The following VAT1L variants were observed in gnomAD, a reference collection of about 807,000 sequenced individuals.
The protein encoded by VAT1L is putative NADPH-dependent quinone oxidoreductase VAT1L.
VAT1L carries 34 observed loss-of-function variants against 44.1 expected under a neutral mutation model. The observed-to-expected ratio is 0.77, with a 90% confidence interval of 0.59 to 1.03. The LOEUF is 1.03. VAT1L is among the 50% of genes least tolerant of loss of function. The pLI, the probability that VAT1L is intolerant of heterozygous loss-of-function variation, is 0.00. For missense variants in VAT1L, 615 were observed against 538.8 expected (o/e 1.14, Z -1.40); for synonymous variants, 253 against 202.2 (o/e 1.25, Z -2.13).
At chr16:77,956,464 G>C (rs867596855) in intron 7 of VAT1L, among the ~76,000 whole-genome samples, 2 of 152,168 alleles carry the variant, frequency 1.3e-5, no homozygotes, top group African/African-American at 2.4e-5. Flanking sequence ...ACAGCACCTG[G>C]TAAGCACTTG....
rs117054552 is a variant in VAT1L, at chr16:77,918,134, G to C, written c.1077+33332G>C. On this transcript the variant is annotated intron_variant, in intron 7 of 8. Coordinates refer to ENST00000302536, the MANE Select transcript of VAT1L (RefSeq NM_020927.3). ...TCGGGATGCAAATTAAAGGCATTAA[G>C]GAACTTGCTAATTGGCTCAAGAAAC... 4.4e-4 allele frequency among the ~76,000 whole-genome samples: 67 copies of C among 152,272 alleles called. No homozygotes were observed. The East Asian group carries it at 0.012, about 27-fold the overall frequency.
chr16:77,910,673 C>CAAAAAAA (rs3038773), intron 7 of VAT1L, among the ~76,000 whole-genome samples: 2 of 82,966 alleles, frequency 2.4e-5, no homozygotes, highest in Non-Finnish European at 4.7e-5. Context: ...GACTCCTTCT[C>CAAAAAAA]AAAAAAAAAA....
rs556238596 is a variant in VAT1L, at chr16:77,908,188, G to A, written c.1077+23386G>A. Among the ~76,000 whole-genome samples, 10 of 151,156 alleles carry A rather than the reference G, an allele frequency of 6.6e-5. No homozygotes were observed. In the East Asian group the frequency reaches 9.8e-4, roughly 15 times the overall value. Reference sequence around the variant, plus strand: ...CGGGAGGTGGAGCTTGCAGTGAGCCGAGATGGCACCACTGCACTCCAGCCT... The same window carrying A: ...CGGGAGGTGGAGCTTGCAGTGAGCCAAGATGGCACCACTGCACTCCAGCCT... On this transcript the variant is annotated intron_variant, in intron 7 of 8. Coordinates refer to ENST00000302536, the MANE Select transcript of VAT1L (RefSeq NM_020927.3).
chr16:77,979,317 G>C lies in VAT1L; in HGVS notation c.*1622G>C, dbSNP rs1456880419. On this transcript the variant is annotated 3_prime_UTR_variant, in exon 9 of 9. Transcript: ENST00000302536. ...TCATCTGAGGAACCAAGGGGTGAGAGTATCCCAAAGGAGGACACCAGCATC... is the reference window on the plus strand; with the variant it reads ...TCATCTGAGGAACCAAGGGGTGAGACTATCCCAAAGGAGGACACCAGCATC... The C allele has an allele frequency of 6.6e-6, 1 of 152,286 alleles. No homozygotes were observed. Among genetic ancestry groups the C allele is most frequent in the African/African-American group, 2.4e-5 (1 of 41,420 alleles). The allele number at this position is 152,286 out of a possible 1,614,324, so 9.4% of individuals were successfully genotyped here.
intron 1 of VAT1L, among the ~76,000 whole-genome samples, chr16:77,799,174 C>T (rs2015994606): frequency 6.6e-6 from 1 of 151,848 alleles, no homozygotes; most frequent in Admixed American, 6.6e-5. Context: ...CATACCAGCC[C>T]CTGGAGATCT....
chr16:77,910,869 A>G (rs1191257997), intron 7 of VAT1L, among the ~76,000 whole-genome samples: 1 of 152,166 alleles, frequency 6.6e-6, no homozygotes, highest in Non-Finnish European at 1.5e-5. Context: ...CAGGCATTCT[A>G]AGAGCATTAC....
chr16:77,817,085 A>G lies in VAT1L; in HGVS notation c.363+35A>G, dbSNP rs772229920. The G allele has an allele frequency of 5.0e-6, 8 of 1,596,530 alleles. No individual in the cohort carries two copies. In the East Asian group the frequency reaches 1.3e-4, roughly 27 times the overall value. ...GGCTCTCAATTGAAGAGTAATATTC[A>G]TTTGGAATCCATTGAGACAACAAAA... is the stretch of plus-strand genomic sequence containing the variant. On this transcript the variant is annotated intron_variant, in intron 2 of 8. Coordinates refer to ENST00000302536, the MANE Select transcript of VAT1L (RefSeq NM_020927.3).
chr16:77,818,981 T>G (rs540023769), intron 2 of VAT1L, among the ~76,000 whole-genome samples: 2 of 151,348 alleles, frequency 1.3e-5, no homozygotes, highest in East Asian at 3.9e-4. Flanking sequence ...ATAACTTGGG[T>G]GCATTTTGGC....
intron 6 of VAT1L, among the ~76,000 whole-genome samples, chr16:77,880,613 T>TTTTTTA (rs1555516560): frequency 7.0e-6 from 1 of 143,306 alleles, no homozygotes; most frequent in African/African-American, 2.6e-5. Flanking sequence ...TTTTTTTTTT[T>TTTTTTA]AGTAATTTCA....
At chr16:77,823,596 C>T (rs1345896246) in intron 2 of VAT1L, among the ~76,000 whole-genome samples, 2 of 152,120 alleles carry the variant, frequency 1.3e-5, no homozygotes, top group Non-Finnish European at 2.9e-5. Context: ...TCAGTTTCTT[C>T]AAAATTATAA....
chr16:77,971,272 C>G (rs557477420), intron 7 of VAT1L, among the ~76,000 whole-genome samples: 1 of 152,250 alleles, frequency 6.6e-6, no homozygotes, highest in African/African-American at 2.4e-5. Flanking sequence ...CTGGCAAGCC[C>G]CCAACATTTG....
chr16:77,810,198 G>A (rs548926583), intron 1 of VAT1L, among the ~76,000 whole-genome samples: 2 of 152,118 alleles, frequency 1.3e-5, no homozygotes, highest in Non-Finnish European at 2.9e-5. Context: ...TTTAGCAAAA[G>A]ACTTGAATTA....
intron 2 of VAT1L, among the ~76,000 whole-genome samples, chr16:77,819,340 T>G (rs2016409183): frequency 6.6e-6 from 1 of 152,206 alleles, no homozygotes; most frequent in Non-Finnish European, 1.5e-5. Flanking sequence ...ACCCTAGTTA[T>G]CTTCTGATGC....
intron 1 of VAT1L, among the ~76,000 whole-genome samples, chr16:77,802,622 ACACACACACACAC>A (rs2016081997): frequency 0.037 from 3,115 of 83,528 alleles, 125 homozygotes; most frequent in African/African-American, 0.11. Flanking sequence ...TCAAACACAC[ACACACACACACAC>A]ACACACACAC....
intron 3 of VAT1L, among the ~76,000 whole-genome samples, chr16:77,852,975 C>T (rs1222437247): frequency 6.6e-6 from 1 of 152,182 alleles, no homozygotes; most frequent in Non-Finnish European, 1.5e-5. Flanking sequence ...TTGAGCCCTG[C>T]CAGGTACACA....
rs1442355273 is a variant in VAT1L at position 77,884,749 on chromosome 16, T to C, written c.1024T>C (p.Tyr342His). 6.3e-7 allele frequency: 1 copy of C among 1,591,532 alleles called. No individual in the cohort carries two copies. The highest frequency in any genetic ancestry group is 8.6e-7 in the Non-Finnish European group (1 of 1,169,474). ...AGTGGTGGAAAAACTCATAGGGCTC[T>C]ACAACCAGAAGAAGATCAAGCCTGT... ...RGVVEKLIGLYNQKKIKPVVD... is the reference protein window; with the variant it reads ...RGVVEKLIGLHNQKKIKPVVD... The change falls in exon 7 of 9, where the codon TAC becomes CAC. Residue 342 changes from tyrosine (Y) to histidine (H), a missense_variant. Physicochemically the swap from Tyr to His is moderately conservative, Grantham distance 83. Transcript: ENST00000302536. This position sits in a 1 kb window ranked among gnomAD's most constrained non-coding sequence, Gnocchi z 4.5.
chr16:77,867,342 GTA>G (rs1351232061), intron 4 of VAT1L, among the ~76,000 whole-genome samples: 3 of 152,194 alleles, frequency 2.0e-5, no homozygotes, highest in African/African-American at 7.2e-5. Context: ...ACAGTTTACT[GTA>G]TGTCAATTAT....
At chr16:77,908,607 T>C (rs1056139661) in intron 7 of VAT1L, among the ~76,000 whole-genome samples, 3 of 151,764 alleles carry the variant, frequency 2.0e-5, no homozygotes, top group Non-Finnish European at 4.4e-5. Flanking sequence ...CGCCATGACC[T>C]GTCAGTGGCT....
chr16:77,904,084 C>T (rs182193820), intron 7 of VAT1L, among the ~76,000 whole-genome samples: 1 of 152,038 alleles, frequency 6.6e-6, no homozygotes, highest in Non-Finnish European at 1.5e-5. Flanking sequence ...TTGGCACCAG[C>T]CTAATAACCC....
Sources: gnomAD v4.1 joint callset for allele counts (sites outside exome capture counted in the v4.1 genomes callset) on GRCh38, gnomAD v4.1.1 for gene constraint, Gnocchi (gnomAD v3.1) non-coding constraint, MANE v1.5 for transcripts, NCBI Gene and HGNC (gene_info 2026-07-23, HGNC 2026-07-21) for gene names.